The following SNX2 variants were observed in gnomAD, a reference collection of about 807,000 sequenced individuals.
SNX2 encodes the protein sorting nexin-2.
SNX2 carries 25 observed loss-of-function variants against 69.9 expected under a neutral mutation model. The observed-to-expected ratio is 0.36, with a 90% CI of 0.26 to 0.50. SNX2 has a LOEUF of 0.50. Ranked by LOEUF, SNX2 falls within the 20% of genes least tolerant of loss-of-function variation. SNX2 has a pLI of 0.97. For missense variants in SNX2, 551 were observed against 613.3 expected (o/e 0.90, Z 1.07); for synonymous variants, 229 against 200.4 (o/e 1.14, Z -1.20).
chr5:122,828,010 C>G (rs185082894), intron 14 of SNX2: 3 of 165,112 alleles, frequency 1.8e-5, no homozygotes, highest in Admixed American at 1.3e-4. Flanking sequence ...AGAACTTAAG[C>G]TAAACACTTT....
At chr5:122,803,158 G>GGATATATTGGACTGAAGCTTTGTA (rs1753554726) in intron 5 of SNX2, among the ~76,000 whole-genome samples, 1 of 152,114 alleles carries the variant, frequency 6.6e-6, no homozygotes, top group African/African-American at 2.4e-5. Context: ...AGGGGTATTT[G>GGATATATTGGACTGAAGCTTTGTA]GATATATTGG....
intron 1 of SNX2, among the ~76,000 whole-genome samples, chr5:122,786,550 T>C (rs1413674147): frequency 1.3e-5 from 2 of 152,226 alleles, no homozygotes; most frequent in East Asian, 3.8e-4. Flanking sequence ...GTTAATATTA[T>C]ACTTCACGTA....
chr5:122,802,013 A>C (rs965821), intron 4 of SNX2, 68 bp from the exon 5 acceptor site: 3 of 1,508,358 alleles, frequency 2.0e-6, no homozygotes, highest in East Asian at 2.3e-5. Context: ...TCATACATCA[A>C]TATAGTATTA....
chr5:122,820,850 A>T (rs2150015986), intron 11 of SNX2, among the ~76,000 whole-genome samples: 1 of 152,328 alleles, frequency 6.6e-6, no homozygotes, highest in East Asian at 1.9e-4. Context: ...GTGAAAAAGA[A>T]AACAAATTTT....
chr5:122,777,383 AT>A (rs1752879432), intron 1 of SNX2, among the ~76,000 whole-genome samples: 2 of 152,222 alleles, frequency 1.3e-5, no homozygotes, highest in Non-Finnish European at 2.9e-5. Flanking sequence ...CATAGACAAC[AT>A]TGAGTTGCAA....
At chr5:122,787,841 T>G (rs1255227467) in intron 1 of SNX2, among the ~76,000 whole-genome samples, 1 of 152,234 alleles carries the variant, frequency 6.6e-6, no homozygotes, top group East Asian at 1.9e-4. Context: ...TCAGTTATGA[T>G]AAGAATACAT....
intron 8 of SNX2, 58 bp downstream of exon 8, chr5:122,816,029 T>C: frequency 1.1e-6 from 1 of 874,958 alleles, no homozygotes; most frequent in South Asian, 1.7e-5. Context: ...GTCATTGTAA[T>C]GTATATGACT....
chr5:122,796,194 CT>C (rs1381043454), intron 2 of SNX2, among the ~76,000 whole-genome samples: 1 of 152,038 alleles, frequency 6.6e-6, no homozygotes, highest in African/African-American at 2.4e-5. Flanking sequence ...TCCCTCAAAC[CT>C]TGCTACAGTA....
chr5:122,823,225 G>A (rs548212591), intron 11 of SNX2, among the ~76,000 whole-genome samples: 2 of 152,250 alleles, frequency 1.3e-5, no homozygotes, highest in Admixed American at 1.3e-4. Context: ...ACATTGTTAC[G>A]ATTTAATTGA....
chr5:122,828,329 TTTAA>T (rs1474946231), intron 14 of SNX2, among the ~76,000 whole-genome samples: 3 of 152,184 alleles, frequency 2.0e-5, no homozygotes, highest in Non-Finnish European at 4.4e-5. Context: ...TCAAATTGTG[TTTAA>T]TTTTTATTTA....
rs1753528863 is a variant in SNX2, at chr5:122,802,061, G to A, written c.458-20G>A. On this transcript the variant is annotated intron_variant, in intron 4 of 14. Transcript: ENST00000379516. ...TTTTATGCATGTGATTTTAATAGTA[G>A]TGTTTGACTTTTTTTGCAGGTGATG... is the stretch of plus-strand genomic sequence containing the variant. The A allele has an allele frequency of 6.2e-7, 1 of 1,607,304 alleles. No homozygotes were observed. The highest frequency in any genetic ancestry group is 8.5e-7 in the Non-Finnish European group (1 of 1,174,034).
At chr5:122,823,978 G>C (rs1754089086) in intron 11 of SNX2, among the ~76,000 whole-genome samples, 1 of 152,076 alleles carries the variant, frequency 6.6e-6, no homozygotes, top group South Asian at 2.1e-4. Context: ...GAGGCAGGCA[G>C]ATCATGAGAT....
intron 1 of SNX2, among the ~76,000 whole-genome samples, chr5:122,787,839 G>A (rs1753127916): frequency 6.6e-6 from 1 of 152,130 alleles, no homozygotes; most frequent in Admixed American, 6.5e-5. Flanking sequence ...TTTCAGTTAT[G>A]ATAAGAATAC....
intron 6 of SNX2, among the ~76,000 whole-genome samples, chr5:122,804,831 C>CA (rs1753600475): frequency 6.6e-6 from 1 of 151,970 alleles, no homozygotes. Flanking sequence ...TTACCTTTTT[C>CA]TTTTTTTTCC....
intron 6 of SNX2, among the ~76,000 whole-genome samples, chr5:122,804,090 G>T (rs1193998520): frequency 1.3e-4 from 20 of 151,838 alleles, no homozygotes; most frequent in Admixed American, 1.2e-3. Flanking sequence ...AGTGAGCTGA[G>T]ATCACGCCTG....
At position 122,795,309 on chromosome 5, in the gene SNX2, A is replaced by G. The variant is rs775876447; in HGVS notation, c.152A>G (p.Asp51Gly). Residue 51 changes from aspartate to glycine, a missense_variant, in exon 2 of 15, where the codon GAT becomes GGT. Around this residue, in one of 2 missense-constraint regions of SNX2, gnomAD observed 191 missense variants for 162.9 expected, o/e 1.17. Coordinates refer to ENST00000379516, the MANE Select transcript of SNX2 (RefSeq NM_003100.4). ...SPEPASLPAE[D>G]ISANSNGPKP... ...GAACCAGCTAGTCTTCCTGCAGAAG[A>G]TATTAGTGCAAACTCCAATGGCCCA... is the stretch of plus-strand genomic sequence containing the variant. 5.0e-6 allele frequency: 8 copies of G among 1,613,860 alleles called. No homozygotes were observed. Among genetic ancestry groups the G allele is most frequent in the African/African-American group, 2.7e-5 (2 of 74,908 alleles).
chr5:122,823,277 TTTTTA>T (rs1408677126), intron 11 of SNX2, among the ~76,000 whole-genome samples: 6 of 152,334 alleles, frequency 3.9e-5, no homozygotes, highest in African/African-American at 1.4e-4. Flanking sequence ...TGCTGGTTCT[TTTTTA>T]TTTTCTGTTA....
At chr5:122,811,534 T>C (rs1753776746) in intron 7 of SNX2, among the ~76,000 whole-genome samples, 1 of 152,164 alleles carries the variant, frequency 6.6e-6, no homozygotes, top group Admixed American at 6.6e-5. Context: ...CATTTGTCTT[T>C]AAAGTGTAAG....
Position 122,775,119 on chromosome 5 carries a change from G to C in SNX2, c.16G>C (p.Glu6Gln), listed in dbSNP as rs377578117. The C allele has an allele frequency of 1.4e-5, 23 of 1,591,178 alleles. No individual in the cohort carries two copies. The highest frequency in any genetic ancestry group is 2.3e-5 in the South Asian group (2 of 86,608). The change falls in exon 1 of 15, where the codon GAA becomes CAA. Residue 6 changes from glutamate (E) to glutamine (Q), a missense_variant. Around this residue, in one of 2 missense-constraint regions of SNX2, gnomAD observed 191 missense variants for 162.9 expected, o/e 1.17. Transcript: ENST00000379516. Reference sequence around the variant, plus strand: ...GTGAGCGAAGATGGCGGCCGAGAGGGAACCTCCTCCGCTGGGGGACGGGAA... The same window carrying C: ...GTGAGCGAAGATGGCGGCCGAGAGGCAACCTCCTCCGCTGGGGGACGGGAA... MAAER[E>Q]PPPLGDGKPT...
Sources: allele counts gnomAD v4.1 joint callset (sites outside exome capture counted in the v4.1 genomes callset), GRCh38; gene constraint gnomAD v4.1.1; regional missense constraint gnomAD v4.1.1; transcripts MANE v1.5; gene names NCBI Gene and HGNC (gene_info 2026-07-23, HGNC 2026-07-21).